CASK: variants seen among roughly 807,000 people sequenced by gnomAD.
CASK encodes the protein peripheral plasma membrane protein CASK.
CASK carries 4 observed loss-of-function variants against 82.9 expected under a neutral mutation model. The observed-to-expected ratio is 0.05, with a 90% CI of 0.02 to 0.11. CASK has a LOEUF of 0.11. Ranked by LOEUF, CASK falls within the 10% of genes least tolerant of loss-of-function variation. CASK has a pLI of 1.00. For synonymous variants in CASK, 259 were observed against 253.5 expected, an observed-to-expected ratio of 1.02 and a Z score of -0.20; for missense variants, 358 against 720.9, an observed-to-expected ratio of 0.50 and a Z score of 5.76.
intron 4 of CASK, among the ~76,000 whole-genome samples, chrX:41,744,989 C>T (rs1489014447): frequency 9.0e-6 from 1 of 111,564 alleles, no homozygotes. Context: ...AAAATGTAAG[C>T]CTGTATTATA....
intron 9 of CASK, among the ~76,000 whole-genome samples, chrX:41,627,162 G>A (rs1470685204): frequency 1.8e-5 from 2 of 112,164 alleles, no homozygotes; most frequent in African/African-American, 3.2e-5. Context: ...GTAGGATTAT[G>A]TGTCATTTTT....
intron 1 of CASK, among the ~76,000 whole-genome samples, chrX:41,858,319 T>A (rs958285088): frequency 2.1e-4 from 24 of 112,347 alleles, no homozygotes; most frequent in Admixed American, 1.9e-4. Context: ...GTGAGCTGCA[T>A]CCAGATTCTT....
At chrX:41,807,489 G>A (rs1472572714) in intron 2 of CASK, among the ~76,000 whole-genome samples, 1 of 111,868 alleles carries the variant, frequency 8.9e-6, no homozygotes, top group African/African-American at 3.2e-5. Flanking sequence ...CAGACACTTA[G>A]TACTGAAGCT....
chrX:41,736,368 C>A lies in CASK; in HGVS notation c.429+3016G>T, dbSNP rs563359905. ...AAAAAAATTTAGCCAGGTGTGGTGGCGCACGCCTATAGTCCCAGCTACTCT... is the reference window on the plus strand; with the variant it reads ...AAAAAAATTTAGCCAGGTGTGGTGGAGCACGCCTATAGTCCCAGCTACTCT... On this transcript the variant is annotated intron_variant, in intron 5 of 26. Transcript: ENST00000378163. 3.6e-5 allele frequency among the ~76,000 whole-genome samples: 4 copies of A among 111,324 alleles called. No individual in the cohort carries two copies. In the South Asian group the frequency reaches 1.5e-3, roughly 42 times the overall value.
chrX:41,619,086 T>C (rs1569345066), intron 11 of CASK, among the ~76,000 whole-genome samples: 1 of 110,579 alleles, frequency 9.0e-6, no homozygotes, highest in Non-Finnish European at 1.9e-5. Context: ...CGCCTTGGCC[T>C]CCCAAAGTGC....
At chrX:41,770,309 TACCTATCCATCC>T (rs1334420968) in intron 3 of CASK, among the ~76,000 whole-genome samples, 70 of 101,270 alleles carry the variant, frequency 6.9e-4, no homozygotes, top group African/African-American at 2.4e-3. Flanking sequence ...CCTACCTACC[TACCTATCCATCC>T]ATCCATCCAT....
chrX:41,515,141 G>A lies in CASK; in HGVS notation c.*5279C>T, dbSNP rs373192884. ...GTGCCGGCAGCGCACCAGCATTCTG[G>A]TTGTTCCGGCGACAGGGCAAAGGGA... On this transcript the variant is annotated 3_prime_UTR_variant, in exon 27 of 27. Coordinates refer to ENST00000378163, the MANE Select transcript of CASK (RefSeq NM_001367721.1). 12 of 112,301 alleles carry A rather than the reference G, an allele frequency of 1.1e-4. No individual in the cohort carries two copies. The highest frequency in any genetic ancestry group is 3.2e-4 in the African/African-American group (10 of 30,918). 9.3% of individuals were successfully genotyped at this position (112,301 alleles called of 1,213,427 possible).
chrX:41,901,606 G>A (rs920566267), intron 1 of CASK, among the ~76,000 whole-genome samples: 1 of 111,866 alleles, frequency 8.9e-6, no homozygotes, highest in African/African-American at 3.3e-5. Context: ...TCTGGCAGGG[G>A]GGCTTGCTGC....
intron 2 of CASK, among the ~76,000 whole-genome samples, chrX:41,847,537 C>T (rs150645183): frequency 8.9e-6 from 1 of 111,818 alleles, no homozygotes; most frequent in Non-Finnish European, 1.9e-5. Flanking sequence ...TGGGTTTGCT[C>T]AGGAACAGTT....
intron 8 of CASK, among the ~76,000 whole-genome samples, chrX:41,644,268 A>T (rs1019869200): frequency 7.1e-5 from 8 of 112,236 alleles, no homozygotes; most frequent in Admixed American, 2.9e-4. Context: ...GGCTGAAACT[A>T]TGGCAGAAGA....
chrX:41,567,728 G>A (rs1177319691), intron 16 of CASK, among the ~76,000 whole-genome samples: 1 of 111,693 alleles, frequency 9.0e-6, no homozygotes, highest in African/African-American at 3.3e-5. Context: ...ACCCAGCCAT[G>A]TCATTACTGA....
chrX:41,534,781 G>A lies in CASK; in HGVS notation c.2242C>T (p.His748Tyr). 1 of 1,201,798 alleles carries A rather than the reference G, an allele frequency of 8.3e-7. No individual in the cohort carries two copies. The highest frequency in any genetic ancestry group is 1.1e-6 in the Non-Finnish European group (1 of 886,683). Residue 748 changes from histidine (H) to tyrosine (Y), a missense_variant, in exon 24 of 27, where the codon CAT becomes TAT. By Grantham distance (83) the His-to-Tyr change is moderately conservative. Transcript: ENST00000378163. ...KRKTLVLLGA[H>Y]GVGRRHIKNT... The stretch of plus-strand genomic sequence containing the variant: ...TTTATGTGTCTTCTCCCAACACCAT[G>A]TGCGCCTATGTCATTTAGAAAAAAA...
chrX:41,797,710 C>A (rs2069892071), intron 2 of CASK, among the ~76,000 whole-genome samples: 1 of 111,812 alleles, frequency 8.9e-6, no homozygotes, highest in Non-Finnish European at 1.9e-5. Flanking sequence ...GTAAGACATG[C>A]CCGAAGTCAC....
chrX:41,846,561 T>C (rs2071159517), intron 2 of CASK, among the ~76,000 whole-genome samples: 1 of 111,131 alleles, frequency 9.0e-6, no homozygotes, highest in South Asian at 3.8e-4. Flanking sequence ...AAAAATAATT[T>C]AATAATTTAA....
chrX:41,655,720 C>T (rs1234193924), intron 8 of CASK, among the ~76,000 whole-genome samples: 1 of 111,543 alleles, frequency 9.0e-6, no homozygotes, highest in Non-Finnish European at 1.9e-5. Flanking sequence ...AACTGACCAA[C>T]GAAGAGCTGC....
chrX:41,567,943 C>T (rs1157711435), intron 16 of CASK, among the ~76,000 whole-genome samples: 6 of 110,329 alleles, frequency 5.4e-5, no homozygotes, highest in African/African-American at 2.0e-4. Flanking sequence ...TTTGCAGGGA[C>T]ATGGATGAAG....
intron 2 of CASK, among the ~76,000 whole-genome samples, chrX:41,849,127 C>A (rs753407842): frequency 1.3e-4 from 14 of 111,596 alleles, no homozygotes; most frequent in Non-Finnish European, 2.1e-4. Flanking sequence ...CCAAAATATA[C>A]TCTTTCTAGA....
intron 8 of CASK, among the ~76,000 whole-genome samples, chrX:41,648,406 G>A (rs972709871): frequency 3.6e-5 from 4 of 111,143 alleles, no homozygotes; most frequent in Admixed American, 1.9e-4. Context: ...CTGTGATCTC[G>A]CCCTGCCTCC....
chrX:41,570,695 T>C (rs1287582459), intron 15 of CASK, among the ~76,000 whole-genome samples: 1 of 112,197 alleles, frequency 8.9e-6, no homozygotes, highest in Non-Finnish European at 1.9e-5. Flanking sequence ...AATCATACAG[T>C]ATGAACTCTT....
Sources: allele counts gnomAD v4.1 joint callset (sites outside exome capture counted in the v4.1 genomes callset), GRCh38; gene constraint gnomAD v4.1.1; transcripts MANE v1.5; gene names NCBI Gene and HGNC (gene_info 2026-07-23, HGNC 2026-07-21).